The following BANK1 variants were observed in gnomAD, a reference collection of about 807,000 sequenced individuals.
The protein encoded by BANK1 is B cell scaffold protein with ankyrin repeats 1.
Under a neutral mutation model 94.5 loss-of-function variants are expected in BANK1, and 95 were observed. That is an observed-to-expected ratio of 1.00 (90% CI 0.85 to 1.19). The LOEUF is 1.19. Ranked by LOEUF, BANK1 falls within the 50% of genes most tolerant of loss-of-function variation. BANK1 has a pLI of 0.00. For missense variants in BANK1, 987 were observed against 932.2 expected, an observed-to-expected ratio of 1.06 and a Z score of -0.77; for synonymous variants, 334 against 308.4, an observed-to-expected ratio of 1.08 and a Z score of -0.87.
chr4:101,878,277 A>G (rs76329084), intron 5 of BANK1, among the ~76,000 whole-genome samples: 1 of 152,200 alleles, frequency 6.6e-6, no homozygotes, highest in Admixed American at 6.5e-5. Context: ...TCCCATGCCA[A>G]TGGAAACCAA....
intron 7 of BANK1, among the ~76,000 whole-genome samples, chr4:101,947,636 A>G (rs2851333): frequency 0.34 from 50,987 of 151,426 alleles, 9,735 homozygotes; most frequent in Non-Finnish European, 0.43. Context: ...CAGCCCATAA[A>G]CCAATAAAAT....
intron 6 of BANK1, among the ~76,000 whole-genome samples, chr4:101,898,643 C>A (rs1279795174): frequency 1.3e-5 from 2 of 151,966 alleles, no homozygotes; most frequent in African/African-American, 2.4e-5. Context: ...ACCTATGGTT[C>A]TTTAAAAGTA....
intron 1 of BANK1, among the ~76,000 whole-genome samples, chr4:101,829,435 G>T (rs561752353): frequency 4.8e-4 from 71 of 146,414 alleles, no homozygotes; most frequent in African/African-American, 1.7e-3. Flanking sequence ...GTTTTTTTTT[G>T]ATTTACTATG....
At chr4:102,013,415 T>C (rs1055252383) in intron 7 of BANK1, among the ~76,000 whole-genome samples, 1 of 152,086 alleles carries the variant, frequency 6.6e-6, no homozygotes, top group Non-Finnish European at 1.5e-5. Context: ...ATATCAACAT[T>C]ATAAAATCAA....
At chr4:101,935,645 G>A (rs1408737925) in intron 7 of BANK1, among the ~76,000 whole-genome samples, 1 of 151,492 alleles carries the variant, frequency 6.6e-6, no homozygotes, top group African/African-American at 2.4e-5. Context: ...GATAGAATCT[G>A]TCATCTTTCC....
chr4:102,047,804 C>T (rs1727933504), intron 11 of BANK1, among the ~76,000 whole-genome samples: 1 of 151,920 alleles, frequency 6.6e-6, no homozygotes, highest in Admixed American at 6.6e-5. Flanking sequence ...ATCAGTTATC[C>T]TGGCTGTCCC....
chr4:102,036,887 C>T (rs1302219331), intron 10 of BANK1: 1 of 152,134 alleles, frequency 6.6e-6, no homozygotes, highest in African/African-American at 2.4e-5. Flanking sequence ...CCTCATCTTC[C>T]AAGAATTCAA....
chr4:102,063,818 CAAAA>C (rs1205075236), intron 13 of BANK1, among the ~76,000 whole-genome samples: 3 of 71,356 alleles, frequency 4.2e-5, no homozygotes, highest in Non-Finnish European at 5.9e-5. Context: ...GACTCTATCT[CAAAA>C]AAAAAAAAAA....
At chr4:101,996,188 C>T (rs907614979) in intron 7 of BANK1, among the ~76,000 whole-genome samples, 2 of 152,254 alleles carry the variant, frequency 1.3e-5, no homozygotes, top group African/African-American at 4.8e-5. Context: ...ATAGGGAATC[C>T]TTTCCCCATT....
At position 101,941,595 on chromosome 4, in the gene BANK1, G is replaced by A. The variant is rs572278383; in HGVS notation, c.1206+23406G>A. Among the ~76,000 whole-genome samples, 3 of 151,880 alleles carry A rather than the reference G, an allele frequency of 2.0e-5. No homozygotes were observed. In the South Asian group the frequency reaches 6.2e-4, roughly 32 times the overall value. ...TCACCAATTCTGAAAAATGAATGTG[G>A]GAGCTTTGTCCCAGAGGCTGACATC... On this transcript the variant is annotated intron_variant, in intron 7 of 16. Transcript: ENST00000322953.
At chr4:101,900,398 AATTAC>A (rs1327788916) in intron 6 of BANK1, among the ~76,000 whole-genome samples, 2 of 152,234 alleles carry the variant, frequency 1.3e-5, no homozygotes, top group Non-Finnish European at 2.9e-5. Flanking sequence ...AATATCATCT[AATTAC>A]ATAAGACAAA....
chr4:101,956,902 A>C (rs768783865), intron 7 of BANK1, among the ~76,000 whole-genome samples: 17 of 152,188 alleles, frequency 1.1e-4, no homozygotes, highest in African/African-American at 4.1e-4. Flanking sequence ...ATTACTCAAC[A>C]TCAGATAATT....
At chr4:101,804,734 G>A (rs1012783383) in intron 1 of BANK1, among the ~76,000 whole-genome samples, 1 of 152,078 alleles carries the variant, frequency 6.6e-6, no homozygotes, top group Non-Finnish European at 1.5e-5. Context: ...CTTTTCTCTA[G>A]CTTACTTTAT....
chr4:101,791,836 G>C (rs2148846642), intron 1 of BANK1, among the ~76,000 whole-genome samples: 1 of 152,192 alleles, frequency 6.6e-6, no homozygotes, highest in South Asian at 2.1e-4. Context: ...AAGCTTTAGG[G>C]ATTGCTTTCA....
chr4:101,861,966 A>G (rs1472016422), intron 3 of BANK1, among the ~76,000 whole-genome samples: 1 of 152,118 alleles, frequency 6.6e-6, no homozygotes, highest in African/African-American at 2.4e-5. Flanking sequence ...CAACTCAAAA[A>G]CCATGGCAGA....
chr4:102,002,930 T>G (rs1192664343), intron 7 of BANK1, among the ~76,000 whole-genome samples: 4 of 152,198 alleles, frequency 2.6e-5, no homozygotes, highest in African/African-American at 2.4e-5. Flanking sequence ...TGTGCCACCA[T>G]GCCCAGCTAA....
chr4:101,895,911 A>T (rs1017796107), intron 6 of BANK1, among the ~76,000 whole-genome samples: 3 of 151,848 alleles, frequency 2.0e-5, no homozygotes, highest in African/African-American at 7.2e-5. Context: ...TCATCTGTTT[A>T]AAAAAGTACG....
At chr4:101,811,473 G>A (rs1343819420) in intron 1 of BANK1, among the ~76,000 whole-genome samples, 1 of 152,006 alleles carries the variant, frequency 6.6e-6, no homozygotes. Flanking sequence ...AATAAAAAAT[G>A]TAAGAATAAT....
At chr4:101,868,708 T>C (rs1728167090) in intron 4 of BANK1, among the ~76,000 whole-genome samples, 1 of 151,898 alleles carries the variant, frequency 6.6e-6, no homozygotes, top group African/African-American at 2.4e-5. Flanking sequence ...AATACAGTCA[T>C]CATAGTGAAC....
Sources: gnomAD v4.1 joint callset for allele counts (sites outside exome capture counted in the v4.1 genomes callset) on GRCh38, gnomAD v4.1.1 for gene constraint, MANE v1.5 for transcripts, NCBI Gene and HGNC (gene_info 2026-07-23, HGNC 2026-07-21) for gene names.